The following MGAT4C variants were observed in gnomAD, a reference collection of about 807,000 sequenced individuals.
The protein encoded by MGAT4C is MGAT4 family member C.
A neutral mutation model predicts 40.1 loss-of-function variants in MGAT4C; 19 were observed. The ratio of observed to expected loss-of-function variants is 0.47; its 90% CI spans 0.33 to 0.70. The LOEUF (loss-of-function observed/expected upper bound fraction) is 0.70, where lower values mean the gene tolerates loss of function less well. MGAT4C is among the 30% of genes least tolerant of loss of function. MGAT4C has a pLI of 0.02. For synonymous variants in MGAT4C, 181 were observed against 187.1 expected, an observed-to-expected ratio of 0.97 and a Z score of 0.27; for missense variants, 491 against 563.2, an observed-to-expected ratio of 0.87 and a Z score of 1.30.
At chr12:86,705,225 TC>T (rs1253989473) in intron 2 of MGAT4C, among the ~76,000 whole-genome samples, 42 of 109,160 alleles carry the variant, frequency 3.8e-4, no homozygotes, top group Admixed American at 7.1e-4. Context: ...TCTCTATCTA[TC>T]TATCTATCTA....
intron 1 of MGAT4C, among the ~76,000 whole-genome samples, chr12:86,151,161 T>G (rs1884217321): frequency 6.6e-6 from 1 of 152,190 alleles, no homozygotes; most frequent in African/African-American, 2.4e-5. Context: ...TCTCAGAGAT[T>G]ATTTCCTAAG....
chr12:86,765,965 A>G (rs1951499673), intron 1 of MGAT4C, among the ~76,000 whole-genome samples: 1 of 152,304 alleles, frequency 6.6e-6, no homozygotes, highest in East Asian at 1.9e-4. Flanking sequence ...TCAACTAATG[A>G]GTAAAATAAC....
intron 1 of MGAT4C, among the ~76,000 whole-genome samples, chr12:86,743,354 G>A (rs1357265477): frequency 6.6e-6 from 1 of 151,438 alleles, no homozygotes; most frequent in East Asian, 1.9e-4. Context: ...AAATTGCAAT[G>A]CATACTTCAG....
rs543809069 is a variant in MGAT4C at position 86,769,381 on chromosome 12, A to T, written c.-261-42140T>A. Among the ~76,000 whole-genome samples, 3 of 152,172 alleles carry T rather than the reference A, an allele frequency of 2.0e-5. No individual in the cohort carries two copies. The East Asian group carries it at 5.8e-4, about 30-fold the overall frequency. On this transcript the variant is annotated intron_variant, in intron 1 of 7. Transcript: ENST00000548651. The stretch of plus-strand genomic sequence containing the variant: ...AGTCTGGAAACAGGTGCTGGAGAGG[A>T]TGTGGAGACATAGGAACACTTTTAC...
intron 2 of MGAT4C, among the ~76,000 whole-genome samples, chr12:85,992,861 G>A (rs1352364233): frequency 6.6e-6 from 1 of 152,162 alleles, no homozygotes; most frequent in Non-Finnish European, 1.5e-5. Flanking sequence ...GATTGATTAA[G>A]CCCTCCTAGA....
At chr12:86,756,973 T>C (rs1049462623) in intron 1 of MGAT4C, among the ~76,000 whole-genome samples, 2 of 152,174 alleles carry the variant, frequency 1.3e-5, no homozygotes, top group Non-Finnish European at 2.9e-5. Context: ...ATTAAAATTG[T>C]TGCTGTTTAT....
Position 85,970,061 on chromosome 12 carries a change from G to T in MGAT4C, c.*9228C>A, listed in dbSNP as rs1255980624. ...TTATTGCCCTAGATGCCTTTTCTCT[G>T]GACCTAGATAATTTAGTCTCACTCT... On this transcript the variant is annotated 3_prime_UTR_variant, in exon 5 of 5. Transcript: ENST00000611864. 2.0e-5 allele frequency: 3 copies of T among 151,006 alleles called. No individual in the cohort carries two copies. The highest frequency in any genetic ancestry group is 6.6e-5 in the Admixed American group (1 of 15,086). 9.4% of individuals were successfully genotyped at this position (151,006 alleles called of 1,614,324 possible).
chr12:86,643,581 GC>G (rs1303272832), intron 2 of MGAT4C, among the ~76,000 whole-genome samples: 3 of 151,688 alleles, frequency 2.0e-5, no homozygotes, highest in African/African-American at 4.8e-5. Flanking sequence ...AATGAAACAA[GC>G]TACACACAAA....
chr12:86,699,795 T>C (rs952493821), intron 2 of MGAT4C, among the ~76,000 whole-genome samples: 1 of 152,054 alleles, frequency 6.6e-6, no homozygotes, highest in Admixed American at 6.6e-5. Flanking sequence ...TTATTTACCA[T>C]GTGGAAGTGG....
intron 1 of MGAT4C, among the ~76,000 whole-genome samples, chr12:86,255,867 C>A (rs1379103334): frequency 6.6e-6 from 1 of 151,980 alleles, no homozygotes; most frequent in Non-Finnish European, 1.5e-5. Flanking sequence ...ACTTGGTTGA[C>A]CATTTCTACC....
intron 2 of MGAT4C, among the ~76,000 whole-genome samples, chr12:86,700,434 C>T (rs1365678221): frequency 6.6e-6 from 1 of 151,972 alleles, no homozygotes; most frequent in Non-Finnish European, 1.5e-5. Flanking sequence ...GTGTAAGGTA[C>T]TTATACAGTT....
chr12:86,174,517 T>C (rs1411063160), intron 1 of MGAT4C, among the ~76,000 whole-genome samples: 2 of 152,164 alleles, frequency 1.3e-5, no homozygotes, highest in African/African-American at 2.4e-5. Flanking sequence ...ACATCACTAA[T>C]ACATGTGTTA....
intron 2 of MGAT4C, among the ~76,000 whole-genome samples, chr12:85,996,961 G>A (rs1040167101): frequency 4.6e-5 from 7 of 152,066 alleles, no homozygotes; most frequent in Admixed American, 2.0e-4. Context: ...ATCTACTTGG[G>A]ATTTATGAAA....
At chr12:86,170,986 A>C (rs1392102653) in intron 1 of MGAT4C, among the ~76,000 whole-genome samples, 1 of 152,138 alleles carries the variant, frequency 6.6e-6, no homozygotes, top group East Asian at 1.9e-4. Context: ...ATACCCGGAC[A>C]TTCTGTTCTC....
At chr12:86,636,057 A>G (rs1963210929) in intron 2 of MGAT4C, among the ~76,000 whole-genome samples, 1 of 152,028 alleles carries the variant, frequency 6.6e-6, no homozygotes, top group Non-Finnish European at 1.5e-5. Context: ...TATTCAGTAC[A>G]GTAACGTGCT....
chr12:86,510,746 G>A (rs1245596958), intron 2 of MGAT4C, among the ~76,000 whole-genome samples: 4 of 152,102 alleles, frequency 2.6e-5, no homozygotes, highest in Non-Finnish European at 5.9e-5. Flanking sequence ...GACAAAGAAG[G>A]CCATTATATA....
At chr12:86,694,739 A>G (rs1388031162) in intron 2 of MGAT4C, among the ~76,000 whole-genome samples, 1 of 152,210 alleles carries the variant, frequency 6.6e-6, no homozygotes, top group Non-Finnish European at 1.5e-5. Flanking sequence ...CCTGTCTTTC[A>G]CCATGTACAA....
chr12:86,705,263 T>TATCG (rs1427615691), intron 2 of MGAT4C, among the ~76,000 whole-genome samples: 1 of 150,460 alleles, frequency 6.6e-6, no homozygotes, highest in Non-Finnish European at 1.5e-5. Context: ...TCTATCTATC[T>TATCG]ATCTAATTTG....
chr12:86,532,524 A>C (rs1959002339), intron 2 of MGAT4C, among the ~76,000 whole-genome samples: 1 of 151,988 alleles, frequency 6.6e-6, no homozygotes, highest in Admixed American at 6.6e-5. Flanking sequence ...GCCAAAGACA[A>C]TGTTGGTGAG....
Sources: gnomAD v4.1 joint callset for allele counts (sites outside exome capture counted in the v4.1 genomes callset) on GRCh38, gnomAD v4.1.1 for gene constraint, MANE v1.5 for transcripts, NCBI Gene and HGNC (gene_info 2026-07-23, HGNC 2026-07-21) for gene names.